The following DLGAP2 variants were observed in gnomAD, a reference collection of about 807,000 sequenced individuals.
DLGAP2 encodes the protein disks large-associated protein 2.
DLGAP2 carries 26 observed loss-of-function variants against 100.3 expected under a neutral mutation model. The ratio of observed to expected loss-of-function variants is 0.26; its 90% CI spans 0.19 to 0.36. The LOEUF is 0.36. DLGAP2 is among the 10% of genes least tolerant of loss of function. The probability of loss-of-function intolerance (pLI) is 1.00; values close to 1 mark genes in which losing one functional copy is unlikely to be tolerated. For missense variants in DLGAP2, 1,858 were observed against 1,453.2 expected (o/e 1.28, Z -4.53); for synonymous variants, 886 against 630.1 (o/e 1.41, Z -6.08).
intron 2 of DLGAP2, among the ~76,000 whole-genome samples, chr8:1,167,755 T>A (rs1797047369): frequency 6.6e-6 from 1 of 152,172 alleles, no homozygotes. Flanking sequence ...TTGACAAACA[T>A]TTGTTGAACG....
chr8:1,081,466 C>G (rs1359239453), intron 2 of DLGAP2, among the ~76,000 whole-genome samples: 1 of 152,206 alleles, frequency 6.6e-6, no homozygotes, highest in African/African-American at 2.4e-5. Flanking sequence ...ATTCTCCTGC[C>G]TCAGCCTCCC....
chr8:977,234 G>A (rs139701307), intron 2 of DLGAP2, among the ~76,000 whole-genome samples: 22 of 152,294 alleles, frequency 1.4e-4, no homozygotes, highest in Admixed American at 5.9e-4. Flanking sequence ...CCTTGCCTCT[G>A]TCTGTACCTG....
At chr8:1,419,992 C>G (rs918737585) in intron 3 of DLGAP2, among the ~76,000 whole-genome samples, 4 of 152,180 alleles carry the variant, frequency 2.6e-5, no homozygotes, top group Non-Finnish European at 5.9e-5. Context: ...TACAGTTCAG[C>G]TGTAAAAAGA....
At chr8:854,974 G>A (rs1369687288) in intron 1 of DLGAP2, among the ~76,000 whole-genome samples, 2 of 152,204 alleles carry the variant, frequency 1.3e-5, no homozygotes, top group African/African-American at 4.8e-5. Context: ...CAAAGTGCAG[G>A]TTAAAAAAGA....
chr8:1,324,343 C>T (rs1434282414), intron 3 of DLGAP2, among the ~76,000 whole-genome samples: 1 of 152,218 alleles, frequency 6.6e-6, no homozygotes, highest in Non-Finnish European at 1.5e-5. Flanking sequence ...TCTGTACTGA[C>T]TCAACTTAGT....
Position 1,662,526 on chromosome 8 carries a change from A to G in DLGAP2, c.1811-5803A>G, listed in dbSNP as rs984172053. Among the ~76,000 whole-genome samples, 7 of 152,364 alleles carry G rather than the reference A, an allele frequency of 4.6e-5. No homozygotes were observed. The East Asian group carries it at 1.2e-3, about 25-fold the overall frequency. ...AGGTCATGAGAAATAAGGTTCTGCT[A>G]TGTAAATGGTCACAAAAAAGAAAAC... On this transcript the variant is annotated intron_variant, in intron 8 of 14. Transcript: ENST00000637795.
chr8:1,167,572 C>T (rs1797042337), intron 2 of DLGAP2, among the ~76,000 whole-genome samples: 2 of 152,162 alleles, frequency 1.3e-5, no homozygotes, highest in African/African-American at 4.8e-5. Context: ...ATCAGATGAT[C>T]ATAAGTGGCC....
At chr8:1,444,992 G>T (rs1293094744) in intron 3 of DLGAP2, among the ~76,000 whole-genome samples, 1 of 150,716 alleles carries the variant, frequency 6.6e-6, no homozygotes, top group African/African-American at 2.4e-5. Context: ...GGATGATCTT[G>T]ATCTCTTGAC....
intron 1 of DLGAP2, among the ~76,000 whole-genome samples, chr8:906,554 C>T (rs1798384733): frequency 6.6e-6 from 1 of 152,166 alleles, no homozygotes; most frequent in Admixed American, 6.5e-5. Context: ...TGTGTTCTTG[C>T]ACTGTTGGGC....
At position 1,088,960 on chromosome 8, in the gene DLGAP2, A is replaced by T. The variant is rs559209421; in HGVS notation, c.74-169891A>T. 3.9e-3 allele frequency among the ~76,000 whole-genome samples: 327 copies of T among 84,628 alleles called. 34 individuals carry two copies. Among genetic ancestry groups the T allele is most frequent in the African/African-American group, 0.017 (311 of 18,130 alleles). The allele number at this position is 84,628 out of a possible 152,430, so 55.5% of individuals were successfully genotyped here. On this transcript the variant is annotated intron_variant, in intron 2 of 14. Transcript: ENST00000637795. ...TATGCCATTCTCGCTCCCCGGCCTC[A>T]CTCTCTCCACCCCTCATCCAGCAGG...
chr8:1,104,587 GA>G (rs1175655855), intron 2 of DLGAP2, among the ~76,000 whole-genome samples: 1 of 152,154 alleles, frequency 6.6e-6, no homozygotes, highest in Non-Finnish European at 1.5e-5. Context: ...TAGCCTGGCC[GA>G]GGCGTTTGCT....
chr8:1,130,827 G>A lies in DLGAP2; in HGVS notation c.74-128024G>A, dbSNP rs1477652732. 4.3e-5 allele frequency among the ~76,000 whole-genome samples: 6 copies of A among 140,492 alleles called. No individual in the cohort carries two copies. In the South Asian group the frequency reaches 6.4e-4, roughly 15 times the overall value. The allele number at this position is 140,492 out of a possible 152,430, so 92.2% of individuals were successfully genotyped here. A position where few individuals can be genotyped will look rare whatever the true frequency, so the allele number is the denominator to read the frequency against. On this transcript the variant is annotated intron_variant, in intron 2 of 14. Coordinates refer to ENST00000637795, the MANE Select transcript of DLGAP2 (RefSeq NM_001346810.2). ...TCTGCAGCGGCTGGGCTGAGAGACC[G>A]GAGATGGGCCTCCCTGATGAGGGGA...
intron 1 of DLGAP2, among the ~76,000 whole-genome samples, chr8:896,614 G>A (rs770597281): frequency 2.1e-4 from 32 of 152,108 alleles, no homozygotes; most frequent in African/African-American, 3.9e-4. Flanking sequence ...TCACGAGGGT[G>A]GGGCCCCCAT....
At chr8:1,551,306 C>T (rs73544386) in intron 5 of DLGAP2, among the ~76,000 whole-genome samples, 8,680 of 152,264 alleles carry the variant, frequency 0.057, 288 homozygotes, top group South Asian at 0.13. Flanking sequence ...GATCTGTCTC[C>T]TCATTGTCAC....
chr8:1,063,945 C>T (rs1803166482), intron 2 of DLGAP2, among the ~76,000 whole-genome samples: 1 of 152,160 alleles, frequency 6.6e-6, no homozygotes, highest in South Asian at 2.1e-4. Flanking sequence ...GCAACAAGTG[C>T]TGGCCTCCGC....
rs771317592 is a variant in DLGAP2, at chr8:1,669,759, A to T, written c.2177A>T (p.Glu726Val). ...SIGIQDSEFPEHQPYPRSDVE... is the reference protein window; with the variant it reads ...SIGIQDSEFPVHQPYPRSDVE... Reference sequence around the variant, plus strand: ...TTTGTTTAGGATTCTGAATTCCCAGAGCATCAGCCATACCCAAGGTCAGAT... The same window carrying T: ...TTTGTTTAGGATTCTGAATTCCCAGTGCATCAGCCATACCCAAGGTCAGAT... The change falls in exon 10 of 15, where the codon GAG becomes GTG. Residue 726 changes from glutamate (E) to valine (V), a missense_variant. Physicochemically the swap from Glu to Val is moderately radical, Grantham distance 121. Coordinates refer to ENST00000637795, the MANE Select transcript of DLGAP2 (RefSeq NM_001346810.2). The T allele has an allele frequency of 6.4e-6, 5 of 780,896 alleles. No homozygotes were observed. The highest frequency in any genetic ancestry group is 1.2e-5 in the Non-Finnish European group (5 of 417,990). The allele number at this position is 780,896 out of a possible 1,614,324, so 48.4% of individuals were successfully genotyped here.
intron 3 of DLGAP2, among the ~76,000 whole-genome samples, chr8:1,484,359 T>C (rs1465841660): frequency 6.6e-6 from 1 of 152,274 alleles, no homozygotes; most frequent in Non-Finnish European, 1.5e-5. Context: ...TCCATGATTA[T>C]TTTAAGACAC....
chr8:1,320,933 G>A (rs929149030), intron 3 of DLGAP2, among the ~76,000 whole-genome samples: 12 of 152,164 alleles, frequency 7.9e-5, no homozygotes, highest in African/African-American at 2.9e-4. Flanking sequence ...GTATCTGTGT[G>A]TATACATGTA....
At chr8:1,137,048 TGTTCTTGCA>T (rs1563211011) in intron 2 of DLGAP2, among the ~76,000 whole-genome samples, 1 of 152,216 alleles carries the variant, frequency 6.6e-6, no homozygotes, top group East Asian at 1.9e-4. Flanking sequence ...CAGGAACTTA[TGTTCTTGCA>T]GTTCTGGAGG....
Sources: gnomAD v4.1 joint callset for allele counts (sites outside exome capture counted in the v4.1 genomes callset) on GRCh38, gnomAD v4.1.1 for gene constraint, MANE v1.5 for transcripts, NCBI Gene and HGNC (gene_info 2026-07-23, HGNC 2026-07-21) for gene names.